The following ZNF529 variants were observed in gnomAD, a reference collection of about 807,000 sequenced individuals.
ZNF529 encodes the protein zinc finger protein 529.
Under a neutral mutation model 10.1 loss-of-function variants are expected in ZNF529, and 11 were observed. That is an observed-to-expected ratio of 1.09 (90% CI 0.69 to 1.81). The LOEUF (loss-of-function observed/expected upper bound fraction) is 1.81, where lower values mean the gene tolerates loss of function less well. Ranked by LOEUF, ZNF529 falls within the 40% of genes most tolerant of loss-of-function variation. The pLI is 0.00. For missense variants in ZNF529, 624 were observed against 666.8 expected, an observed-to-expected ratio of 0.94 and a Z score of 0.71; for synonymous variants, 204 against 215.7, an observed-to-expected ratio of 0.95 and a Z score of 0.47.
At chr19:36,549,780 TTTTTC>T (rs1388108196) in intron 4 of ZNF529, among the ~76,000 whole-genome samples, 2 of 152,250 alleles carry the variant, frequency 1.3e-5, no homozygotes, top group East Asian at 3.8e-4. Context: ...CTTCCTCTAT[TTTTTC>T]TTTTATCTTC....
At chr19:36,590,490 T>A (rs1367845171) in intron 1 of ZNF529, among the ~76,000 whole-genome samples, 1 of 152,082 alleles carries the variant, frequency 6.6e-6, no homozygotes. Flanking sequence ...AATCAATAAC[T>A]ACAGGTTCTA....
At position 36,598,019 on chromosome 19, in the gene ZNF529, A is replaced by G. The variant is rs140869927; in HGVS notation, c.-128+7107T>C. 2.2e-3 allele frequency among the ~76,000 whole-genome samples: 336 copies of G among 152,306 alleles called. 1 individual carries two copies. Among genetic ancestry groups the G allele is most frequent in the Non-Finnish European group, 4.1e-3 (277 of 68,030 alleles). On this transcript the variant is annotated intron_variant, in intron 1 of 4. Coordinates refer to the ZNF529 transcript ENST00000585960. Reference sequence around the variant, plus strand: ...ATGCCACATTCCTGTAGATATCTATACTTAAAATGACAAAGACACACGTTC... The same window carrying G: ...ATGCCACATTCCTGTAGATATCTATGCTTAAAATGACAAAGACACACGTTC...
intron 2 of ZNF529, among the ~76,000 whole-genome samples, chr19:36,579,781 G>A (rs1261758678): frequency 6.6e-6 from 1 of 152,152 alleles, no homozygotes; most frequent in African/African-American, 2.4e-5. Context: ...TAAGGACTAG[G>A]ACATTACTGT....
chr19:36,577,828 CAA>C (rs1254762169), upstream of ZNF529: 1 of 152,004 alleles, frequency 6.6e-6, no homozygotes, highest in Admixed American at 6.6e-5. Flanking sequence ...AGAGAGAGGA[CAA>C]GAGAAACAGG....
upstream of ZNF529, chr19:36,605,428 G>A (rs1250351600): frequency 6.6e-6 from 1 of 152,576 alleles, no homozygotes; most frequent in Admixed American, 6.5e-5. Context: ...ACGCGGAACC[G>A]GGTGGGGAGG....
intron 2 of ZNF529, among the ~76,000 whole-genome samples, chr19:36,560,205 C>A (rs575262730): frequency 7.1e-6 from 1 of 141,234 alleles, no homozygotes; most frequent in Non-Finnish European, 1.5e-5. Context: ...TGCGGTGAGC[C>A]GAGATCACGC....
At chr19:36,586,512 G>A (rs1053949910) in intron 2 of ZNF529, among the ~76,000 whole-genome samples, 1 of 152,060 alleles carries the variant, frequency 6.6e-6, no homozygotes. Context: ...GGCTGAGGCG[G>A]GAGAATTGCT....
At chr19:36,581,544 C>G (rs540804541) in intron 2 of ZNF529, 1 of 152,190 alleles carries the variant, frequency 6.6e-6, no homozygotes, top group African/African-American at 2.4e-5. Context: ...CTCAAAATCT[C>G]ACACGGACAT....
intron 1 of ZNF529, among the ~76,000 whole-genome samples, chr19:36,603,035 C>T (rs1208996206): frequency 6.6e-6 from 1 of 152,078 alleles, no homozygotes; most frequent in Non-Finnish European, 1.5e-5. Flanking sequence ...ACTTCCTGCC[C>T]TTCTTAACAG....
chr19:36,579,570 T>C (rs1271272747), intron 2 of ZNF529, among the ~76,000 whole-genome samples: 1 of 150,066 alleles, frequency 6.7e-6, no homozygotes, highest in East Asian at 1.9e-4. Context: ...TAGCATATTA[T>C]ATAGCATATA....
In ZNF529 at chr19:36,566,371, G is replaced by T. The variant is rs182651888; in HGVS notation, c.14+5962C>A. ...AAGAAATGACAAGGGAATTAAAATG[G>T]TACAGTACAATAAGTTAATTAAAAC... On this transcript the variant is annotated intron_variant, in intron 2 of 4. Transcript: ENST00000591340. 1.3e-3 allele frequency among the ~76,000 whole-genome samples: 195 copies of T among 152,198 alleles called. 2 individuals carry two copies. Among genetic ancestry groups the T allele is most frequent in the African/African-American group, 4.6e-3 (190 of 41,542 alleles).
At chr19:36,591,735 A>AT in intron 1 of ZNF529, among the ~76,000 whole-genome samples, 1 of 151,670 alleles carries the variant, frequency 6.6e-6, no homozygotes, top group African/African-American at 2.4e-5. Context: ...AAAAAAAAAA[A>AT]AGGAAATTTA....
In ZNF529 at chr19:36,547,124, A is replaced by G; in HGVS notation, c.1434T>C (p.Tyr478=). 1.9e-6 allele frequency: 3 copies of G among 1,613,990 alleles called. No homozygotes were observed. The highest frequency in any genetic ancestry group is 2.5e-6 in the Non-Finnish European group (3 of 1,179,960). ...AGGCCTTCCCACATACCTTACATTC[A>G]TAAGGTTTCTCACCACTATGAATTC... ...HQRIHSGEKP[Y]ECKVCGKAFR... The change falls in exon 5 of 5, where the codon TAT becomes TAC. Residue 478 remains tyrosine, a synonymous_variant. Coordinates refer to ENST00000591340, the MANE Select transcript of ZNF529 (RefSeq NM_020951.5).
intron 4 of ZNF529, among the ~76,000 whole-genome samples, chr19:36,551,323 G>C (rs773910990): frequency 2.0e-5 from 3 of 152,010 alleles, no homozygotes; most frequent in Non-Finnish European, 4.4e-5. Flanking sequence ...ATAAGCTTTG[G>C]ACAAAAAGTG....
intron 2 of ZNF529, among the ~76,000 whole-genome samples, chr19:36,586,243 T>C (rs1250796320): frequency 6.6e-6 from 1 of 152,172 alleles, no homozygotes; most frequent in Non-Finnish European, 1.5e-5. Flanking sequence ...AAGGAATCTT[T>C]AAAAAATATG....
intron 1 of ZNF529, among the ~76,000 whole-genome samples, chr19:36,595,849 A>C (rs2036829060): frequency 6.6e-6 from 1 of 152,104 alleles, no homozygotes; most frequent in Admixed American, 6.6e-5. Context: ...ACATATCTAT[A>C]TAGAAGTATA....
intron 2 of ZNF529, among the ~76,000 whole-genome samples, chr19:36,563,081 T>C (rs1239695430): frequency 6.6e-6 from 1 of 152,114 alleles, no homozygotes; most frequent in Non-Finnish European, 1.5e-5. Context: ...ATTTCTGTTC[T>C]TTATAAATCA....
intron 1 of ZNF529, among the ~76,000 whole-genome samples, chr19:36,593,654 T>C (rs1407521761): frequency 6.6e-6 from 1 of 152,178 alleles, no homozygotes; most frequent in Non-Finnish European, 1.5e-5. Flanking sequence ...TTGGGCTGTT[T>C]GGCATCATCA....
chr19:36,574,485 A>G (rs1046993915), upstream of ZNF529, among the ~76,000 whole-genome samples: 1 of 151,782 alleles, frequency 6.6e-6, no homozygotes, highest in Non-Finnish European at 1.5e-5. Flanking sequence ...TGGCTTTACT[A>G]GTTTTTCAGG....
Sources: allele counts gnomAD v4.1 joint callset (sites outside exome capture counted in the v4.1 genomes callset), GRCh38; gene constraint gnomAD v4.1.1; transcripts MANE v1.5; gene names NCBI Gene and HGNC (gene_info 2026-07-23, HGNC 2026-07-21).